Variants in SPOP observed in about 807,000 individuals in gnomAD.
SPOP encodes speckle-type POZ protein.
SPOP carries 11 observed loss-of-function variants against 45.6 expected under a neutral mutation model. The observed-to-expected ratio is 0.24, with a 90% CI of 0.15 to 0.40. SPOP has a LOEUF of 0.40. Among genes scored for constraint, SPOP ranks in the 10% least tolerant of loss-of-function variants. SPOP has a pLI of 1.00. For synonymous variants in SPOP, 166 were observed against 166.3 expected, an observed-to-expected ratio of 1.00 and a Z score of 0.01; for missense variants, 152 against 465.6, an observed-to-expected ratio of 0.33 and a Z score of 6.20.
At chr17:49,645,814 C>T (rs1006518840) in intron 1 of SPOP, among the ~76,000 whole-genome samples, 1 of 151,918 alleles carries the variant, frequency 6.6e-6, no homozygotes, top group East Asian at 1.9e-4. Context: ...TTTTTTTCCC[C>T]TTCTTTCAAA....
intron 1 of SPOP, among the ~76,000 whole-genome samples, chr17:49,646,994 A>C (rs1035315969): frequency 6.6e-6 from 1 of 152,092 alleles, no homozygotes; most frequent in African/African-American, 2.4e-5. Flanking sequence ...CTCAGTATGA[A>C]AGTATGTTCT....
intron 1 of SPOP, among the ~76,000 whole-genome samples, chr17:49,624,778 T>C (rs2072296229): frequency 6.6e-6 from 1 of 151,496 alleles, no homozygotes; most frequent in African/African-American, 2.4e-5. Context: ...CTGGCCACAA[T>C]TTTTTTTAAT....
At chr17:49,639,239 C>T (rs767483458) in intron 1 of SPOP, among the ~76,000 whole-genome samples, 100 of 151,586 alleles carry the variant, frequency 6.6e-4, no homozygotes, top group Non-Finnish European at 1.2e-3. Flanking sequence ...TTTTTTTAAG[C>T]TTAAGGTTTG....
chr17:49,618,143 CTGTT>C (rs1266672632), intron 5 of SPOP, among the ~76,000 whole-genome samples: 1 of 152,058 alleles, frequency 6.6e-6, no homozygotes, highest in African/African-American at 2.4e-5. Context: ...TGATGATACA[CTGTT>C]TATTATTATC....
At chr17:49,657,947 C>G (rs948714044) in intron 1 of SPOP, among the ~76,000 whole-genome samples, 8 of 152,032 alleles carry the variant, frequency 5.3e-5, no homozygotes, top group Admixed American at 2.6e-4. Context: ...ATGATCCGCC[C>G]ACCTCAGCCT....
chr17:49,674,235 T>C (rs193012037), intron 1 of SPOP, among the ~76,000 whole-genome samples: 19 of 152,372 alleles, frequency 1.2e-4, no homozygotes, highest in African/African-American at 4.3e-4. Context: ...GTTTAAGAAG[T>C]ATTCCCTTCT....
intron 1 of SPOP, among the ~76,000 whole-genome samples, chr17:49,669,778 A>AG (rs1360700758): frequency 1.3e-5 from 2 of 151,284 alleles, no homozygotes; most frequent in Non-Finnish European, 2.9e-5. Flanking sequence ...AAAAAAAAAA[A>AG]AAAAAATTAA....
intron 1 of SPOP, among the ~76,000 whole-genome samples, chr17:49,674,335 G>C (rs1001775451): frequency 1.3e-5 from 2 of 152,034 alleles, no homozygotes; most frequent in Non-Finnish European, 2.9e-5. Context: ...ATCAGGTCCT[G>C]GGCTTTTTCT....
chr17:49,615,599 G>A lies in SPOP; in HGVS notation c.480+3382C>T, dbSNP rs2041600. Among the ~76,000 whole-genome samples, 750 of 152,152 alleles carry A rather than the reference G, an allele frequency of 4.9e-3. 11 individuals carry two copies. Among genetic ancestry groups the A allele is most frequent in the Middle Eastern group, 6.8e-3 (2 of 294 alleles). On this transcript the variant is annotated intron_variant, in intron 5 of 9. Transcript: ENST00000504102. ...CACGATCATAGCACACCACAACCTC[G>A]ATCTCCTGGGCTCAAGTGATCCTCT... is the stretch of plus-strand genomic sequence containing the variant.
chr17:49,629,457 G>C (rs1031344314), intron 1 of SPOP, among the ~76,000 whole-genome samples: 1 of 152,090 alleles, frequency 6.6e-6, no homozygotes, highest in Non-Finnish European at 1.5e-5. Flanking sequence ...TCTAATCCCA[G>C]TCCTGGTAAA....
At chr17:49,676,683 T>C (rs1427587647) in intron 1 of SPOP, among the ~76,000 whole-genome samples, 1 of 152,212 alleles carries the variant, frequency 6.6e-6, no homozygotes, top group African/African-American at 2.4e-5. Context: ...TAGCTATTCA[T>C]TTCAATGTTA....
chr17:49,665,649 GACACACACACACACACAC>G (rs71352530), intron 1 of SPOP, among the ~76,000 whole-genome samples: 9 of 126,786 alleles, frequency 7.1e-5, no homozygotes, highest in South Asian at 5.5e-4. Flanking sequence ...TATATATACA[GACACACACACACACACAC>G]ACACACACAC....
At chr17:49,674,957 C>A (rs1037403955) in intron 1 of SPOP, among the ~76,000 whole-genome samples, 5 of 152,140 alleles carry the variant, frequency 3.3e-5, no homozygotes, top group Admixed American at 3.3e-4. Context: ...TAACAAACTA[C>A]ATAATGAGCT....
intron 1 of SPOP, among the ~76,000 whole-genome samples, chr17:49,634,250 C>G (rs1211470001): frequency 6.6e-6 from 1 of 152,178 alleles, no homozygotes; most frequent in Non-Finnish European, 1.5e-5. Flanking sequence ...AAATTAGAAT[C>G]ATGTGTTGAT....
chr17:49,663,295 A>G (rs2073012824), intron 1 of SPOP, among the ~76,000 whole-genome samples: 1 of 152,222 alleles, frequency 6.6e-6, no homozygotes, highest in African/African-American at 2.4e-5. Context: ...AGAATCTAAT[A>G]CCTGATGATC....
chr17:49,604,596 A>G (rs1023794127), intron 8 of SPOP, among the ~76,000 whole-genome samples: 6 of 152,192 alleles, frequency 3.9e-5, no homozygotes, highest in Admixed American at 2.0e-4. Context: ...CACAGCAGGA[A>G]AAGGAGGTGC....
At chr17:49,630,607 C>CTTCCT (rs2072433208) in intron 1 of SPOP, among the ~76,000 whole-genome samples, 1 of 151,252 alleles carries the variant, frequency 6.6e-6, no homozygotes, top group Non-Finnish European at 1.5e-5. Flanking sequence ...TTTTTGTTTT[C>CTTCCT]TTTAAATTTT....
At chr17:49,617,416 C>A (rs1378525696) in intron 5 of SPOP, among the ~76,000 whole-genome samples, 2 of 152,166 alleles carry the variant, frequency 1.3e-5, no homozygotes, top group East Asian at 3.9e-4. Flanking sequence ...TAGATTTACA[C>A]AGAATTCACA....
intron 8 of SPOP, among the ~76,000 whole-genome samples, chr17:49,605,856 C>T (rs1176581056): frequency 2.7e-5 from 4 of 147,420 alleles, no homozygotes; most frequent in Admixed American, 2.0e-4. Context: ...GGGATGGTGG[C>T]GGGCGCCTGT....
Sources: gnomAD v4.1 joint callset for allele counts (sites outside exome capture counted in the v4.1 genomes callset) on GRCh38, gnomAD v4.1.1 for gene constraint, MANE v1.5 for transcripts, NCBI Gene and HGNC (gene_info 2026-07-23, HGNC 2026-07-21) for gene names.